NRG1: variants seen among roughly 807,000 people sequenced by gnomAD.
The protein encoded by NRG1 is pro-neuregulin-1, membrane-bound isoform.
Under a neutral mutation model 63.8 loss-of-function variants are expected in NRG1, and 18 were observed. That is an observed-to-expected ratio of 0.28 (90% confidence interval 0.19 to 0.42). NRG1 has a LOEUF of 0.42. Among genes scored for constraint, NRG1 ranks in the 10% least tolerant of loss-of-function variants. The pLI is 1.00. For synonymous variants in NRG1, 302 were observed against 301.3 expected, an observed-to-expected ratio of 1.00 and a Z score of -0.02; for missense variants, 762 against 814.7, an observed-to-expected ratio of 0.94 and a Z score of 0.79.
At chr8:32,639,235 A>G (rs993754262) in intron 5 of NRG1, among the ~76,000 whole-genome samples, 3 of 152,022 alleles carry the variant, frequency 2.0e-5, no homozygotes, top group Non-Finnish European at 4.4e-5. Flanking sequence ...GAGAAACCTC[A>G]TCTGTACTAA....
chr8:32,456,565 T>C (rs1409677943), intron 1 of NRG1, among the ~76,000 whole-genome samples: 1 of 152,188 alleles, frequency 6.6e-6, no homozygotes, highest in Non-Finnish European at 1.5e-5. Context: ...TTAGTAAATA[T>C]CTTTTCTCTT....
At chr8:31,782,271 A>G (rs553058330) in intron 1 of NRG1, among the ~76,000 whole-genome samples, 20 of 151,976 alleles carry the variant, frequency 1.3e-4, no homozygotes, top group Non-Finnish European at 1.8e-4. Flanking sequence ...ATTCCTTCCA[A>G]TGGTGCAGGT....
intron 7 of NRG1, among the ~76,000 whole-genome samples, chr8:32,753,203 A>G (rs1407769758): frequency 2.0e-5 from 3 of 152,178 alleles, no homozygotes; most frequent in Admixed American, 6.5e-5. Context: ...ATTTCATACC[A>G]GTTGAGTTCT....
intron 5 of NRG1, among the ~76,000 whole-genome samples, chr8:32,716,273 G>A (rs1019828148): frequency 1.2e-4 from 19 of 152,162 alleles, no homozygotes; most frequent in Admixed American, 8.5e-4. Context: ...TGAGTAAATG[G>A]CAAATCTCAA....
intron 1 of NRG1, among the ~76,000 whole-genome samples, chr8:31,998,622 T>C (rs530236174): frequency 3.3e-5 from 5 of 151,986 alleles, no homozygotes; most frequent in Non-Finnish European, 5.9e-5. Flanking sequence ...ATAGGAACTT[T>C]ACACAATGGT....
chr8:31,702,207 G>A (rs1045290303), intron 1 of NRG1, among the ~76,000 whole-genome samples: 4 of 152,056 alleles, frequency 2.6e-5, no homozygotes, highest in Non-Finnish European at 4.4e-5. Flanking sequence ...AATGGCTGTC[G>A]GCATCTTGAA....
chr8:32,247,116 A>G (rs1848659227), intron 1 of NRG1, among the ~76,000 whole-genome samples: 1 of 152,020 alleles, frequency 6.6e-6, no homozygotes, highest in African/African-American at 2.4e-5. Context: ...TTTTTTTAAA[A>G]AAAAGGAAAG....
At chr8:31,945,792 A>T (rs1411282926) in intron 1 of NRG1, among the ~76,000 whole-genome samples, 1 of 152,090 alleles carries the variant, frequency 6.6e-6, no homozygotes, top group Non-Finnish European at 1.5e-5. Context: ...CCTGACTCTC[A>T]TCTTGTTATT....
chr8:31,838,997 C>T (rs1190233036), intron 1 of NRG1, among the ~76,000 whole-genome samples: 2 of 151,970 alleles, frequency 1.3e-5, no homozygotes, highest in Admixed American at 1.3e-4. Flanking sequence ...CAGACTTTTC[C>T]CTTGAAATGT....
chr8:32,537,654 G>A (rs1023947544), intron 1 of NRG1, among the ~76,000 whole-genome samples: 1 of 152,136 alleles, frequency 6.6e-6, no homozygotes, highest in African/African-American at 2.4e-5. Context: ...TTTTCTTAGT[G>A]CCTATGCAGG....
chr8:32,227,800 CA>C, intron 1 of NRG1, among the ~76,000 whole-genome samples: 1 of 152,308 alleles, frequency 6.6e-6, no homozygotes, highest in South Asian at 2.1e-4. Context: ...CTAACCACCA[CA>C]GCATTCCTGA....
upstream of NRG1, among the ~76,000 whole-genome samples, chr8:32,543,318 C>T (rs1832755110): frequency 1.3e-5 from 2 of 151,974 alleles, no homozygotes; most frequent in East Asian, 3.9e-4. Flanking sequence ...TGTATGTACA[C>T]ATATGCATAT....
At chr8:31,682,706 C>A (rs1340994395) in intron 1 of NRG1, among the ~76,000 whole-genome samples, 1 of 151,918 alleles carries the variant, frequency 6.6e-6, no homozygotes, top group Admixed American at 6.6e-5. Flanking sequence ...GCTATGGAAG[C>A]AATGAACCAC....
At chr8:31,802,340 A>G (rs1821872955) in intron 1 of NRG1, among the ~76,000 whole-genome samples, 1 of 152,182 alleles carries the variant, frequency 6.6e-6, no homozygotes, top group Non-Finnish European at 1.5e-5. Context: ...CTCAGAATGA[A>G]TGTTCCTCAC....
intron 1 of NRG1, among the ~76,000 whole-genome samples, chr8:32,131,022 G>A (rs894682599): frequency 2.0e-5 from 3 of 151,952 alleles, no homozygotes; most frequent in Non-Finnish European, 1.5e-5. Flanking sequence ...AAAAGGCAGA[G>A]TTGCTAAAAC....
intron 1 of NRG1, among the ~76,000 whole-genome samples, chr8:32,250,745 T>C (rs1026317906): frequency 1.3e-5 from 2 of 148,712 alleles, no homozygotes; most frequent in African/African-American, 5.0e-5. Flanking sequence ...GTCTTTTTTT[T>C]CACACAAGTA....
chr8:31,642,592 C>G (rs1803903538), intron 1 of NRG1, among the ~76,000 whole-genome samples: 1 of 152,148 alleles, frequency 6.6e-6, no homozygotes, highest in Non-Finnish European at 1.5e-5. Flanking sequence ...ATTGAAGGTA[C>G]TTAGTTTTGT....
intron 1 of NRG1, among the ~76,000 whole-genome samples, chr8:32,308,441 C>T (rs1458558283): frequency 1.3e-5 from 2 of 152,322 alleles, no homozygotes; most frequent in East Asian, 3.9e-4. Context: ...TTCATACATT[C>T]TCTGATCCCA....
rs374173288 is a variant in NRG1 at position 32,480,984 on chromosome 8, A to T, written c.38-114844A>T. On this transcript the variant is annotated intron_variant, in intron 1 of 10. Coordinates refer to the NRG1 transcript ENST00000519301. ...TGTCAGTATACATACATACATTAAA[A>T]TATGCATCACATTGTGCCCTATACA... Among the ~76,000 whole-genome samples the T allele has an allele frequency of 2.4e-4, 37 of 152,228 alleles. 1 individual carries two copies. In the East Asian group the frequency reaches 2.9e-3, roughly 12 times the overall value.
Sources: allele counts gnomAD v4.1 joint callset (sites outside exome capture counted in the v4.1 genomes callset), GRCh38; gene constraint gnomAD v4.1.1; transcripts MANE v1.5; gene names NCBI Gene and HGNC (gene_info 2026-07-23, HGNC 2026-07-21).